The following OXR1 variants were observed in gnomAD, a reference collection of about 807,000 sequenced individuals.
OXR1 encodes the protein oxidation resistance protein 1.
Under a neutral mutation model 104.6 loss-of-function variants are expected in OXR1, and 41 were observed. The observed-to-expected ratio is 0.39, with a 90% CI of 0.31 to 0.51. OXR1 has a LOEUF of 0.51. Ranked by LOEUF, OXR1 falls within the 20% of genes least tolerant of loss-of-function variation. The pLI is 0.77. For missense variants in OXR1, 955 were observed against 1,031.9 expected, an observed-to-expected ratio of 0.93 and a Z score of 1.02; for synonymous variants, 348 against 348.4, an observed-to-expected ratio of 1.00 and a Z score of 0.01.
chr8:106,438,036 G>A (rs997412789), intron 2 of OXR1, among the ~76,000 whole-genome samples: 1 of 152,186 alleles, frequency 6.6e-6, no homozygotes, highest in Non-Finnish European at 1.5e-5. Flanking sequence ...GATGTGTGAT[G>A]TGCCATGTGA....
chr8:106,690,446 T>G (rs1269236576), intron 6 of OXR1, among the ~76,000 whole-genome samples: 1 of 151,292 alleles, frequency 6.6e-6, no homozygotes, highest in Non-Finnish European at 1.5e-5. Context: ...AATTTTATGG[T>G]TAGTATCTGA....
intron 3 of OXR1, among the ~76,000 whole-genome samples, chr8:106,591,928 C>T (rs1051943857): frequency 1.3e-5 from 2 of 152,164 alleles, no homozygotes; most frequent in African/African-American, 2.4e-5. Flanking sequence ...GGACACCTGG[C>T]GTGAGAGCTG....
intron 3 of OXR1, among the ~76,000 whole-genome samples, chr8:106,572,863 T>C (rs1361079565): frequency 6.6e-6 from 1 of 152,124 alleles, no homozygotes; most frequent in Non-Finnish European, 1.5e-5. Context: ...TAGTACAGAA[T>C]CTATTATAAG....
chr8:106,333,335 CT>C (rs1183564884), intron 1 of OXR1, among the ~76,000 whole-genome samples: 1 of 151,938 alleles, frequency 6.6e-6, no homozygotes, highest in African/African-American at 2.4e-5. Context: ...AGTTATTTAT[CT>C]TTTTATTGCT....
At chr8:106,281,073 C>G (rs1193081954) in intron 1 of OXR1, among the ~76,000 whole-genome samples, 5 of 152,072 alleles carry the variant, frequency 3.3e-5, no homozygotes, top group Non-Finnish European at 7.4e-5. Flanking sequence ...AAAAGCCTTA[C>G]ACAACTAGGG....
intron 2 of OXR1, among the ~76,000 whole-genome samples, chr8:106,478,867 G>A (rs1040906002): frequency 6.6e-6 from 1 of 151,838 alleles, no homozygotes; most frequent in Non-Finnish European, 1.5e-5. Context: ...ATTGGACAGT[G>A]TGTATATACG....
intron 2 of OXR1, among the ~76,000 whole-genome samples, chr8:106,472,123 A>G (rs1172304287): frequency 6.6e-6 from 1 of 151,526 alleles, no homozygotes; most frequent in East Asian, 2.0e-4. Context: ...TGACGTTCCC[A>G]TTTTCAAAGA....
At chr8:106,442,092 A>T (rs1053410883) in intron 2 of OXR1, among the ~76,000 whole-genome samples, 1 of 152,176 alleles carries the variant, frequency 6.6e-6, no homozygotes, top group Non-Finnish European at 1.5e-5. Flanking sequence ...TGTGCCATAA[A>T]TACCTAGTTT....
At chr8:106,552,710 A>G (rs965415639) in intron 3 of OXR1, among the ~76,000 whole-genome samples, 6 of 152,222 alleles carry the variant, frequency 3.9e-5, no homozygotes, top group Non-Finnish European at 4.4e-5. Flanking sequence ...AAGATAAAAT[A>G]GATAGCTTTT....
chr8:106,740,032 G>A (rs1447546245), intron 13 of OXR1, among the ~76,000 whole-genome samples: 1 of 152,040 alleles, frequency 6.6e-6, no homozygotes, highest in Non-Finnish European at 1.5e-5. Context: ...CAAGCTAATA[G>A]TCTATCAAGT....
intron 2 of OXR1, among the ~76,000 whole-genome samples, chr8:106,422,287 T>C (rs1329133562): frequency 6.6e-6 from 1 of 152,146 alleles, no homozygotes; most frequent in African/African-American, 2.4e-5. Context: ...AGATACAAAG[T>C]CTGTGTCCTG....
rs536616338 is a variant in OXR1 at position 106,286,840 on chromosome 8, C to A, written c.-139+16473C>A. 3.0e-4 allele frequency among the ~76,000 whole-genome samples: 45 copies of A among 152,234 alleles called. No individual in the cohort carries two copies. The South Asian group carries it at 8.9e-3, about 30-fold the overall frequency. On this transcript the variant is annotated intron_variant, in intron 1 of 16. Coordinates refer to ENST00000517566, the MANE Select transcript of OXR1 (RefSeq NM_001198533.2). Reference sequence around the variant, plus strand: ...TTACAACTCCCGTAATGGTCTCTAACATGAATAACAAGATTAGAGGGACAA... The same window carrying A: ...TTACAACTCCCGTAATGGTCTCTAAAATGAATAACAAGATTAGAGGGACAA...
At chr8:106,335,916 C>CA (rs1814940942) in intron 1 of OXR1, among the ~76,000 whole-genome samples, 2 of 151,936 alleles carry the variant, frequency 1.3e-5, no homozygotes. Flanking sequence ...GCCAACATGG[C>CA]AAAACACTGT....
At chr8:106,316,952 C>G (rs891929636) in intron 1 of OXR1, among the ~76,000 whole-genome samples, 3 of 151,986 alleles carry the variant, frequency 2.0e-5, no homozygotes, top group African/African-American at 7.2e-5. Context: ...CTCACTGAAA[C>G]CCTCGCCTCC....
At chr8:106,379,799 T>G (rs899339570) in intron 2 of OXR1, among the ~76,000 whole-genome samples, 4 of 152,030 alleles carry the variant, frequency 2.6e-5, no homozygotes, top group Non-Finnish European at 5.9e-5. Flanking sequence ...TGCCTTGCCC[T>G]CCTAAAGTGC....
At chr8:106,743,097 GA>G (rs1352178896) in intron 15 of OXR1, among the ~76,000 whole-genome samples, 17 of 151,454 alleles carry the variant, frequency 1.1e-4, no homozygotes, top group Non-Finnish European at 1.8e-4. Flanking sequence ...AAATTTGCAA[GA>G]AAAAAAACAC....
chr8:106,330,825 G>A (rs780972396), intron 1 of OXR1, among the ~76,000 whole-genome samples: 3 of 152,190 alleles, frequency 2.0e-5, no homozygotes, highest in East Asian at 1.9e-4. Context: ...TGATTTGTCC[G>A]CAGTAAAATA....
chr8:106,666,382 A>G (rs1826333731), intron 3 of OXR1, among the ~76,000 whole-genome samples: 1 of 152,216 alleles, frequency 6.6e-6, no homozygotes, highest in Non-Finnish European at 1.5e-5. Context: ...GAGGAACTGG[A>G]TTGAGAAAAT....
rs112996894 is a variant in OXR1, at chr8:106,488,790, T to G, written c.24-30153T>G. 5.0e-3 allele frequency among the ~76,000 whole-genome samples: 739 copies of G among 149,134 alleles called. 5 individuals carry two copies. The highest frequency in any genetic ancestry group is 7.7e-3 in the Non-Finnish European group (519 of 67,132). On this transcript the variant is annotated intron_variant, in intron 2 of 16. Transcript: ENST00000517566. ...TCTGTTCCATTGATCTATATCTCTG[T>G]TTTGGTACCAGTACCATGCTGTTTT... is the stretch of plus-strand genomic sequence containing the variant.
Sources: gnomAD v4.1 joint callset for allele counts (sites outside exome capture counted in the v4.1 genomes callset) on GRCh38, gnomAD v4.1.1 for gene constraint, MANE v1.5 for transcripts, NCBI Gene and HGNC (gene_info 2026-07-23, HGNC 2026-07-21) for gene names.